NLRP13: variants seen among roughly 807,000 people sequenced by gnomAD.
The protein encoded by NLRP13 is NACHT, LRR and PYD domains-containing protein 13.
Under a neutral mutation model 94.4 loss-of-function variants are expected in NLRP13, and 82 were observed. The observed-to-expected ratio is 0.87, with a 90% CI of 0.73 to 1.04. NLRP13 has a LOEUF of 1.04. Among genes scored for constraint, NLRP13 ranks in the 50% least tolerant of loss-of-function variants. The probability of loss-of-function intolerance (pLI) is 0.00; values close to 1 mark genes in which losing one functional copy is unlikely to be tolerated. For missense variants in NLRP13, 1,426 were observed against 1,230.8 expected (o/e 1.16, Z -2.37); for synonymous variants, 553 against 464.7 (o/e 1.19, Z -2.45).
chr19:55,898,236 T>A (rs139291849), intron 10 of NLRP13, among the ~76,000 whole-genome samples: 3,231 of 141,162 alleles, frequency 0.023, 136 homozygotes, highest in African/African-American at 0.08. Flanking sequence ...TGAGATGGAG[T>A]TTCGCTCTTG....
At chr19:55,930,873 A>ATTTTATATAT (rs1555751052) in intron 1 of NLRP13, among the ~76,000 whole-genome samples, 1 of 91,394 alleles carries the variant, frequency 1.1e-5, no homozygotes, top group African/African-American at 5.0e-5. Flanking sequence ...AGAATCAGTG[A>ATTTTATATAT]TTATATATAT....
rs1986557091 is a variant in NLRP13, at chr19:55,912,671, T to C, written c.1146A>G (p.Gln382=). ...GGTCGTCCCCTGTGAACCCTGTAAT[T>C]TGTACAAAGCATGGATTCACTAATG... ...KASLVNPCFV[Q]ITGFTGDDLR... is the part of the protein sequence containing the mutation. Residue 382 remains glutamine (Q), a synonymous_variant, in exon 5 of 11, where the codon CAA becomes CAG. Transcript: ENST00000342929. 3.7e-6 allele frequency: 6 copies of C among 1,614,080 alleles called. No homozygotes were observed. Among genetic ancestry groups the C allele is most frequent in the Non-Finnish European group, 5.1e-6 (6 of 1,180,040 alleles).
chr19:55,932,174 C>T lies in NLRP13; in HGVS notation c.138G>A (p.Ser46=), dbSNP rs200402162. Residue 46 remains serine (S), a synonymous_variant, in exon 1 of 11, where the codon TCG becomes TCA. Coordinates refer to ENST00000342929, the MANE Select transcript of NLRP13 (RefSeq NM_176810.2). ...TACGCGGGAAGTGCCCCTGGGGGGC[C>T]GACCAGAAGTCCATCAGCTGCTGGG... ...LEPQQLMDFW[S]APQGHFPRIP... is the part of the protein sequence containing the mutation. 1.1e-5 allele frequency: 17 copies of T among 1,614,080 alleles called. No individual in the cohort carries two copies. Among genetic ancestry groups the T allele is most frequent in the Middle Eastern group, 3.3e-4 (2 of 6,050 alleles).
At chr19:55,911,070 A>C (rs1009266876) in intron 5 of NLRP13, among the ~76,000 whole-genome samples, 4 of 152,164 alleles carry the variant, frequency 2.6e-5, no homozygotes, top group African/African-American at 7.2e-5. Context: ...TGGGGGTTGC[A>C]AGACCACCCC....
At chr19:55,916,655 T>G (rs1986683767) in intron 4 of NLRP13, among the ~76,000 whole-genome samples, 1 of 152,144 alleles carries the variant, frequency 6.6e-6, no homozygotes, top group South Asian at 2.1e-4. Context: ...TTGAATTAAT[T>G]TAGTCTGACA....
chr19:55,908,756 G>A (rs1410476032), intron 6 of NLRP13, among the ~76,000 whole-genome samples: 1 of 152,080 alleles, frequency 6.6e-6, no homozygotes, highest in Non-Finnish European at 1.5e-5. Flanking sequence ...GGAACACTGG[G>A]GCCTGTTGGA....
chr19:55,895,863 G>T, downstream of NLRP13: 1 of 1,484,898 alleles, frequency 6.7e-7, no homozygotes, highest in Non-Finnish European at 9.2e-7. Context: ...CGAGTGCAAT[G>T]GAAACCTGAC....
chr19:55,893,861 G>A (rs976814626), downstream of NLRP13, among the ~76,000 whole-genome samples: 11 of 152,134 alleles, frequency 7.2e-5, no homozygotes, highest in Admixed American at 2.0e-4. Context: ...TTTAACGGTT[G>A]CTGTCCCAGA....
chr19:55,907,632 T>G (rs1278013411), intron 7 of NLRP13, among the ~76,000 whole-genome samples, 160 bp downstream of exon 7: 1 of 151,370 alleles, frequency 6.6e-6, no homozygotes, highest in African/African-American at 2.4e-5. Context: ...CATTAAAATT[T>G]GAGAACCACG....
chr19:55,898,805 C>T lies in NLRP13; in HGVS notation c.2922G>A (p.Glu974=). The T allele has an allele frequency of 6.2e-7, 1 of 1,612,774 alleles. No homozygotes were observed. Among genetic ancestry groups the T allele is most frequent in the South Asian group, 1.1e-5 (1 of 90,768 alleles). ...LQDDGVKLLC[E]ALKPHRALHT... is the part of the protein sequence containing the mutation. ...GCAATGCACGATGTGGTTTCAGAGC[C>T]TCACACAGTAGCTTCACTCCATCAT... Residue 974 remains glutamate, a synonymous_variant, in exon 10 of 11, where the codon GAG becomes GAA. Coordinates refer to ENST00000342929, the MANE Select transcript of NLRP13 (RefSeq NM_176810.2).
chr19:55,891,987 T>A, downstream of NLRP13: 1 of 745,494 alleles, frequency 1.3e-6, no homozygotes, highest in Non-Finnish European at 1.8e-6. Context: ...CCACGTGGCA[T>A]CTAATCCGTG....
rs536884175 is a variant in NLRP13, at chr19:55,897,003, A to C, written c.2958-884T>G. On this transcript the variant is annotated intron_variant, in intron 10 of 10. Coordinates refer to ENST00000342929, the MANE Select transcript of NLRP13 (RefSeq NM_176810.2). ...AACTTAACCTGCCAGAATGTGAAAC[A>C]AACCATTTTAGTATACAAGGGATAT... Among the ~76,000 whole-genome samples the C allele has an allele frequency of 2.0e-5, 3 of 152,280 alleles. No homozygotes were observed. The East Asian group carries it at 5.8e-4, about 29-fold the overall frequency.
intron 1 of NLRP13, among the ~76,000 whole-genome samples, chr19:55,929,154 G>A (rs1814918898): frequency 6.6e-6 from 1 of 152,162 alleles, no homozygotes; most frequent in South Asian, 2.1e-4. Flanking sequence ...TGGAGAAATA[G>A]GAACACTTTT....
At chr19:55,903,814 GCCACTCC>G (rs1262532729) in intron 8 of NLRP13, among the ~76,000 whole-genome samples, 1 of 151,984 alleles carries the variant, frequency 6.6e-6, no homozygotes, top group Non-Finnish European at 1.5e-5. Context: ...CTCCCCATGG[GCCACTCC>G]CTCCTGGTCA....
chr19:55,914,426 CA>C (rs755204586), intron 4 of NLRP13, among the ~76,000 whole-genome samples: 9 of 152,108 alleles, frequency 5.9e-5, no homozygotes, highest in Non-Finnish European at 1.0e-4. Context: ...TATGATGCAT[CA>C]GTGTAGGAAA....
chr19:55,931,404 T>C (rs2867139), intron 1 of NLRP13, among the ~76,000 whole-genome samples: 27,911 of 151,600 alleles, frequency 0.18, 2,792 homozygotes, highest in African/African-American at 0.26. Context: ...CTGGGACAAA[T>C]TTGCATGTTT....
intron 4 of NLRP13, among the ~76,000 whole-genome samples, chr19:55,923,618 G>A (rs975474059): frequency 5.3e-5 from 8 of 152,156 alleles, no homozygotes; most frequent in African/African-American, 1.7e-4. Flanking sequence ...AGCAGCTGCT[G>A]ACTCTTTATA....
intron 5 of NLRP13, among the ~76,000 whole-genome samples, chr19:55,911,187 C>G (rs982775439): frequency 1.3e-5 from 2 of 152,108 alleles, no homozygotes; most frequent in East Asian, 3.8e-4. Context: ...GCCATGGTTC[C>G]CAAATATTAA....
rs575616566 is a variant in NLRP13 at position 55,898,216 on chromosome 19, T to G, written c.2957+554A>C. Among the ~76,000 whole-genome samples, 36 of 149,342 alleles carry G rather than the reference T, an allele frequency of 2.4e-4. 1 individual carries two copies. The highest frequency in any genetic ancestry group is 1.5e-3 in the South Asian group (7 of 4,600). ...AGAGTTTTTGTTTTTGTTTTTGTTTTTTTTTTTTTTGAGATGGAGTTTCGC... is the reference window on the plus strand; with the variant it reads ...AGAGTTTTTGTTTTTGTTTTTGTTTGTTTTTTTTTTGAGATGGAGTTTCGC... On this transcript the variant is annotated intron_variant, in intron 10 of 10. Transcript: ENST00000342929.
Sources: allele counts gnomAD v4.1 joint callset (sites outside exome capture counted in the v4.1 genomes callset), GRCh38; gene constraint gnomAD v4.1.1; transcripts MANE v1.5; gene names NCBI Gene and HGNC (gene_info 2026-07-23, HGNC 2026-07-21).